MYO3B: variants seen among roughly 807,000 people sequenced by gnomAD.
MYO3B encodes the protein myosin-IIIb.
In MYO3B, 156 loss-of-function variants were observed where a neutral mutation model predicts 174.6. That is an observed-to-expected ratio of 0.89 (90% CI 0.78 to 1.02). MYO3B has a LOEUF of 1.02. MYO3B is among the 50% of genes least tolerant of loss of function. The probability of loss-of-function intolerance (pLI) is 0.00; values close to 1 mark genes in which losing one functional copy is unlikely to be tolerated. For synonymous variants in MYO3B, 563 were observed against 569.1 expected (o/e 0.99, Z 0.15); for missense variants, 1,632 against 1,639.4 (o/e 1.00, Z 0.08).
At chr2:170,493,084 G>C (rs562300780) in intron 25 of MYO3B, among the ~76,000 whole-genome samples, 1 of 152,272 alleles carries the variant, frequency 6.6e-6, no homozygotes, top group East Asian at 1.9e-4. Context: ...ATTAACCACC[G>C]TTGTTTTGAT....
chr2:170,471,363 T>C (rs1029696185), intron 25 of MYO3B, among the ~76,000 whole-genome samples: 6 of 152,170 alleles, frequency 3.9e-5, no homozygotes, highest in African/African-American at 9.7e-5. Flanking sequence ...GTTGTCTTCT[T>C]GATGGTGTCC....
chr2:170,213,095 G>A (rs1263840436), intron 3 of MYO3B, among the ~76,000 whole-genome samples: 1 of 152,154 alleles, frequency 6.6e-6, no homozygotes, highest in Non-Finnish European at 1.5e-5. Flanking sequence ...ATGGCTTGTA[G>A]CAAACCCAAA....
At chr2:170,304,621 C>T (rs569428757) in intron 7 of MYO3B, among the ~76,000 whole-genome samples, 1 of 151,914 alleles carries the variant, frequency 6.6e-6, no homozygotes, top group South Asian at 2.1e-4. Flanking sequence ...CATACACCAC[C>T]ACACTCAGCT....
intron 5 of MYO3B, among the ~76,000 whole-genome samples, chr2:170,215,216 A>C (rs891809922): frequency 1.3e-5 from 2 of 152,208 alleles, no homozygotes; most frequent in Non-Finnish European, 2.9e-5. Flanking sequence ...CACTAGCCTT[A>C]GGCATACTTA....
intron 30 of MYO3B, among the ~76,000 whole-genome samples, chr2:170,542,670 T>G (rs2106203335): frequency 6.6e-6 from 1 of 152,266 alleles, no homozygotes; most frequent in African/African-American, 2.4e-5. Flanking sequence ...AGGAGCAGTT[T>G]CTTGGGTCTT....
At chr2:170,374,251 G>A (rs151220584) in intron 9 of MYO3B, among the ~76,000 whole-genome samples, 6 of 152,212 alleles carry the variant, frequency 3.9e-5, no homozygotes, top group Non-Finnish European at 7.3e-5. Context: ...GAGGTTAGTA[G>A]AAGAGTGGCC....
chr2:170,203,687 A>G (rs981064631), intron 3 of MYO3B, among the ~76,000 whole-genome samples: 2 of 152,194 alleles, frequency 1.3e-5, no homozygotes, highest in Non-Finnish European at 2.9e-5. Flanking sequence ...TTATCAGGTT[A>G]ACAAATCAGG....
At position 170,483,554 on chromosome 2, in the gene MYO3B, T is replaced by C. The variant is rs1310484583; in HGVS notation, c.3015-15038T>C. ...GGCGCCCGCTACCACGCCCGGCTAATTTTTTGTATTTTTAGTAGAGACGGG... is the reference window on the plus strand; with the variant it reads ...GGCGCCCGCTACCACGCCCGGCTAACTTTTTGTATTTTTAGTAGAGACGGG... On this transcript the variant is annotated intron_variant, in intron 25 of 34. Transcript: ENST00000408978. Among the ~76,000 whole-genome samples the C allele has an allele frequency of 1.6e-5, 2 of 126,818 alleles. 1 individual carries two copies. The highest frequency in any genetic ancestry group is 9.6e-5 in the African/African-American group (2 of 20,836). 83.2% of individuals were successfully genotyped at this position (126,818 alleles called of 152,430 possible).
chr2:170,538,816 A>G (rs1689891522), intron 30 of MYO3B, among the ~76,000 whole-genome samples: 1 of 152,190 alleles, frequency 6.6e-6, no homozygotes, highest in Non-Finnish European at 1.5e-5. Context: ...GGAGCCCTAG[A>G]AATATGTGAT....
chr2:170,299,293 G>A (rs2093649533), intron 7 of MYO3B, among the ~76,000 whole-genome samples: 1 of 152,134 alleles, frequency 6.6e-6, no homozygotes, highest in African/African-American at 2.4e-5. Flanking sequence ...ATGCCTGATT[G>A]ATTGATTAAA....
At position 170,251,290 on chromosome 2, in the gene MYO3B, C is replaced by G. The variant is rs765048244; in HGVS notation, c.749+15154C>G. ...ATTCAGGACTCAGTGTTGTGATTGG[C>G]TCAAGGACACACAGTTAATAAAAAC... On this transcript the variant is annotated intron_variant, in intron 7 of 34. Coordinates refer to ENST00000408978, the MANE Select transcript of MYO3B (RefSeq NM_138995.5). Among the ~76,000 whole-genome samples the G allele has an allele frequency of 7.2e-5, 11 of 151,944 alleles. 1 individual carries two copies. Among genetic ancestry groups the G allele is most frequent in the Middle Eastern group, 3.2e-3 (1 of 316 alleles).
intron 22 of MYO3B, among the ~76,000 whole-genome samples, chr2:170,431,341 T>C (rs1462694768): frequency 2.6e-5 from 4 of 152,236 alleles, no homozygotes; most frequent in South Asian, 2.1e-4. Context: ...AACTCCACTA[T>C]TGACTGTGTT....
chr2:170,627,962 T>G (rs1293430583), intron 32 of MYO3B, among the ~76,000 whole-genome samples: 1 of 152,182 alleles, frequency 6.6e-6, no homozygotes, highest in South Asian at 2.1e-4. Context: ...CTGCCCCTAC[T>G]GGGGGGTGCC....
chr2:170,257,396 C>G (rs1303374983), intron 7 of MYO3B, among the ~76,000 whole-genome samples: 1 of 152,090 alleles, frequency 6.6e-6, no homozygotes, highest in East Asian at 1.9e-4. Context: ...ACTCTTGGAC[C>G]ACAGTGGAAT....
At chr2:170,271,939 T>C in intron 7 of MYO3B, among the ~76,000 whole-genome samples, 1 of 152,118 alleles carries the variant, frequency 6.6e-6, no homozygotes, top group Non-Finnish European at 1.5e-5. Flanking sequence ...GGTTTCAGTA[T>C]ATAATAATGT....
intron 25 of MYO3B, among the ~76,000 whole-genome samples, chr2:170,474,979 C>T (rs754901639): frequency 3.3e-5 from 5 of 152,148 alleles, no homozygotes; most frequent in Admixed American, 1.3e-4. Context: ...TAGTTACTAT[C>T]GTTTTCACTT....
intron 32 of MYO3B, among the ~76,000 whole-genome samples, chr2:170,604,390 C>T (rs1694692099): frequency 6.6e-6 from 1 of 152,112 alleles, no homozygotes; most frequent in South Asian, 2.1e-4. Flanking sequence ...CTGGGGAGGA[C>T]TTATTTATTC....
chr2:170,430,649 C>G (rs2094701619), intron 22 of MYO3B, among the ~76,000 whole-genome samples: 2 of 152,196 alleles, frequency 1.3e-5, no homozygotes, highest in South Asian at 4.1e-4. Flanking sequence ...GGATTACAAG[C>G]ATGAGCCACC....
intron 23 of MYO3B, among the ~76,000 whole-genome samples, chr2:170,459,192 A>G (rs1684099497): frequency 6.6e-6 from 1 of 152,220 alleles, no homozygotes; most frequent in Non-Finnish European, 1.5e-5. Context: ...AAGGGACCCC[A>G]GCGGGTTGCC....
Sources: gnomAD v4.1 joint callset for allele counts (sites outside exome capture counted in the v4.1 genomes callset) on GRCh38, gnomAD v4.1.1 for gene constraint, MANE v1.5 for transcripts, NCBI Gene and HGNC (gene_info 2026-07-23, HGNC 2026-07-21) for gene names.